Variants in TSHR observed in about 807,000 individuals in gnomAD.
The protein encoded by TSHR is thyroid stimulating hormone receptor.
Under a neutral mutation model 64.1 loss-of-function variants are expected in TSHR, and 51 were observed. That is an observed-to-expected ratio of 0.80 (90% CI 0.64 to 1.01). The LOEUF (loss-of-function observed/expected upper bound fraction) is 1.01, where lower values mean the gene tolerates loss of function less well. Ranked by LOEUF, TSHR falls within the 50% of genes least tolerant of loss-of-function variation. TSHR has a pLI of 0.00. For missense variants in TSHR, 877 were observed against 942.8 expected, an observed-to-expected ratio of 0.93 and a Z score of 0.91; for synonymous variants, 361 against 361.9, an observed-to-expected ratio of 1.00 and a Z score of 0.03.
chr14:80,984,336 A>G (rs991012428), intron 1 of TSHR, among the ~76,000 whole-genome samples: 1 of 152,214 alleles, frequency 6.6e-6, no homozygotes, highest in Non-Finnish European at 1.5e-5. Flanking sequence ...CTCACAAAAG[A>G]GAAGGTGGAA....
chr14:81,108,756 T>A, intron 8 of TSHR: 2 of 1,608,206 alleles, frequency 1.2e-6, no homozygotes, highest in Non-Finnish European at 1.7e-6. Flanking sequence ...GTTTGAAAAA[T>A]TTTGAAATGC....
In TSHR at chr14:81,092,136, T is replaced by G. The variant is rs534972228; in HGVS notation, c.468-395T>G. 2.6e-5 allele frequency among the ~76,000 whole-genome samples: 4 copies of G among 152,352 alleles called. No homozygotes were observed. The East Asian group carries it at 5.8e-4, about 22-fold the overall frequency. On this transcript the variant is annotated intron_variant, in intron 5 of 9. Coordinates refer to ENST00000298171, the MANE Select transcript of TSHR (RefSeq NM_000369.5). Reference sequence around the variant, plus strand: ...TGAAGGACATTTTAGAAATACTCATTAAATGAAATCCTTTAATCCTTTTAT... The same window carrying G: ...TGAAGGACATTTTAGAAATACTCATGAAATGAAATCCTTTAATCCTTTTAT...
intron 1 of TSHR, chr14:80,982,941 T>C: frequency 1.9e-6 from 1 of 534,744 alleles, no homozygotes; most frequent in Non-Finnish European, 3.4e-6. Flanking sequence ...TGGAATGCTA[T>C]GTGGACTCTG....
intron 7 of TSHR, among the ~76,000 whole-genome samples, chr14:81,098,706 G>T (rs1364347134): frequency 2.0e-5 from 3 of 152,172 alleles, no homozygotes; most frequent in Non-Finnish European, 4.4e-5. Context: ...CAGGGGCAGG[G>T]ATAGGAGGTA....
intron 1 of TSHR, among the ~76,000 whole-genome samples, chr14:81,008,380 G>A (rs1889718881): frequency 6.6e-6 from 1 of 152,004 alleles, no homozygotes; most frequent in Non-Finnish European, 1.5e-5. Flanking sequence ...CACCTTGTTA[G>A]CCAGGATGGT....
chr14:80,994,715 A>G (rs562693426), intron 1 of TSHR: 7 of 152,368 alleles, frequency 4.6e-5, no homozygotes, highest in Non-Finnish European at 1.0e-4. Flanking sequence ...CTTACACCAT[A>G]TACAAAAATT....
At chr14:80,979,073 A>G (rs953592223) in intron 1 of TSHR, among the ~76,000 whole-genome samples, 1 of 152,248 alleles carries the variant, frequency 6.6e-6, no homozygotes, top group African/African-American at 2.4e-5. Context: ...TTCTTGGCCA[A>G]AACTATCTGT....
intron 1 of TSHR, among the ~76,000 whole-genome samples, chr14:80,958,788 T>C (rs1371561554): frequency 6.6e-6 from 1 of 152,192 alleles, no homozygotes; most frequent in Non-Finnish European, 1.5e-5. Context: ...ACTTAAATTA[T>C]ACAGGATCTA....
At chr14:80,958,791 AG>A (rs1886855294) in intron 1 of TSHR, among the ~76,000 whole-genome samples, 1 of 152,146 alleles carries the variant, frequency 6.6e-6, no homozygotes, top group Admixed American at 6.5e-5. Flanking sequence ...TAAATTATAC[AG>A]GATCTACTAC....
intron 1 of TSHR, among the ~76,000 whole-genome samples, chr14:81,041,212 T>C (rs550440767): frequency 1.3e-5 from 2 of 152,202 alleles, no homozygotes; most frequent in African/African-American, 2.4e-5. Flanking sequence ...TATAAAGACA[T>C]GGCACACATA....
intron 1 of TSHR, among the ~76,000 whole-genome samples, chr14:81,026,368 GCATGCAAA>G (rs1432846470): frequency 6.6e-6 from 1 of 152,092 alleles, no homozygotes; most frequent in African/African-American, 2.4e-5. Flanking sequence ...ATATGCACAC[GCATGCAAA>G]CATGCAAACA....
chr14:81,099,098 G>C (rs1889401362), intron 7 of TSHR, among the ~76,000 whole-genome samples: 1 of 152,162 alleles, frequency 6.6e-6, no homozygotes, highest in Non-Finnish European at 1.5e-5. Context: ...CCTAGGTTTT[G>C]CCGTCAGACA....
intron 1 of TSHR, chr14:80,983,210 T>G: frequency 8.1e-7 from 1 of 1,235,782 alleles, no homozygotes; most frequent in Non-Finnish European, 1.1e-6. Flanking sequence ...AATTACATGT[T>G]AAGCATATGT....
intron 3 of TSHR, among the ~76,000 whole-genome samples, chr14:81,084,785 A>G (rs548663331): frequency 2.6e-4 from 39 of 152,304 alleles, no homozygotes; most frequent in African/African-American, 9.1e-4. Flanking sequence ...GCTTAACTCA[A>G]AATGGTGTGA....
At chr14:81,052,884 T>C (rs1296949842) in intron 1 of TSHR, 1 of 152,138 alleles carries the variant, frequency 6.6e-6, no homozygotes, top group Non-Finnish European at 1.5e-5. Context: ...ATGTTGATTT[T>C]GTAACCTACT....
At chr14:80,991,085 T>C (rs540763863) in intron 1 of TSHR, among the ~76,000 whole-genome samples, 1 of 152,254 alleles carries the variant, frequency 6.6e-6, no homozygotes, top group Non-Finnish European at 1.5e-5. Context: ...ATGTGACTTT[T>C]AAAAATCATC....
chr14:81,110,183 G>T (rs191439206), intron 8 of TSHR, among the ~76,000 whole-genome samples: 1 of 152,318 alleles, frequency 6.6e-6, no homozygotes, highest in East Asian at 1.9e-4. Flanking sequence ...AATTAAGTTT[G>T]TTATGAACTA....
intron 1 of TSHR, among the ~76,000 whole-genome samples, chr14:81,037,419 C>CAAAAAAAAAAAAAAAAA (rs748986847): frequency 1.0e-5 from 1 of 99,064 alleles, no homozygotes; most frequent in Admixed American, 8.8e-5. Context: ...AAAGGAAATA[C>CAAAAAAAAAAAAAAAAA]AAAACAAACA....
At chr14:80,972,390 C>T (rs1333093251) in intron 1 of TSHR, among the ~76,000 whole-genome samples, 1 of 152,032 alleles carries the variant, frequency 6.6e-6, no homozygotes, top group Non-Finnish European at 1.5e-5. Context: ...AGTGGTCTTC[C>T]TTGGGAGGTG....
Sources: gnomAD v4.1 joint callset for allele counts (sites outside exome capture counted in the v4.1 genomes callset) on GRCh38, gnomAD v4.1.1 for gene constraint, MANE v1.5 for transcripts, NCBI Gene and HGNC (gene_info 2026-07-23, HGNC 2026-07-21) for gene names.